Variants in SUGCT observed in about 807,000 individuals in gnomAD.
SUGCT encodes succinyl-CoA:glutarate CoA-transferase.
In SUGCT, 41 loss-of-function variants were observed where a neutral mutation model predicts 55.0. The observed-to-expected ratio is 0.74, with a 90% CI of 0.58 to 0.97. The LOEUF (loss-of-function observed/expected upper bound fraction) is 0.97, where lower values mean the gene tolerates loss of function less well. Among genes scored for constraint, SUGCT ranks in the 50% least tolerant of loss-of-function variants. The pLI is 0.00. For synonymous variants in SUGCT, 187 were observed against 200.4 expected, an observed-to-expected ratio of 0.93 and a Z score of 0.56; for missense variants, 568 against 547.8, an observed-to-expected ratio of 1.04 and a Z score of -0.37.
chr7:40,641,798 A>C (rs1800281861), intron 12 of SUGCT, among the ~76,000 whole-genome samples: 1 of 152,174 alleles, frequency 6.6e-6, no homozygotes, highest in African/African-American at 2.4e-5. Flanking sequence ...GAACTTATGA[A>C]AGGCTCAGTT....
chr7:40,231,847 C>G (rs540342606), intron 6 of SUGCT, among the ~76,000 whole-genome samples: 23 of 152,258 alleles, frequency 1.5e-4, no homozygotes, highest in Middle Eastern at 3.4e-3. Flanking sequence ...TGCCTGTAAT[C>G]CTATTACTTT....
intron 6 of SUGCT, among the ~76,000 whole-genome samples, chr7:40,202,266 C>G (rs1339997152): frequency 6.6e-6 from 1 of 152,178 alleles, no homozygotes; most frequent in African/African-American, 2.4e-5. Flanking sequence ...AGCCACCATG[C>G]CTGGCAGTTA....
intron 12 of SUGCT, among the ~76,000 whole-genome samples, chr7:40,744,015 G>C (rs1787603373): frequency 6.6e-6 from 1 of 152,012 alleles, no homozygotes; most frequent in African/African-American, 2.4e-5. Flanking sequence ...TCCGTCTCCT[G>C]GGTTCAAGCG....
rs147397147 is a variant in SUGCT at position 40,484,456 on chromosome 7, C to T, written c.987-11828C>T. On this transcript the variant is annotated intron_variant, in intron 11 of 13. Transcript: ENST00000335693. ...CAGTGCTCCCAAGTGGCCTTGGGGG[C>T]GGACAGTAGCTCAATTGCCAGTGGC... Among the ~76,000 whole-genome samples the T allele has an allele frequency of 1.2e-4, 18 of 152,196 alleles. 1 individual carries two copies. The East Asian group carries it at 2.3e-3, about 20-fold the overall frequency.
At chr7:40,518,241 A>T (rs1251547737) in intron 12 of SUGCT, among the ~76,000 whole-genome samples, 1 of 152,196 alleles carries the variant, frequency 6.6e-6, no homozygotes, top group African/African-American at 2.4e-5. Context: ...AGCTGATTGC[A>T]GTAGCCTTGA....
In SUGCT at chr7:40,195,516, C is replaced by T. The variant is rs1036194398; in HGVS notation, c.484+456C>T. 4.6e-5 allele frequency among the ~76,000 whole-genome samples: 7 copies of T among 151,592 alleles called. No individual in the cohort carries two copies. The East Asian group carries it at 5.9e-4, about 13-fold the overall frequency. ...GATTACAGGCGTGAGCCACCACGTC[C>T]GGCCTTGGCTGCTGAACATTATTAA... On this transcript the variant is annotated intron_variant, in intron 6 of 13. Transcript: ENST00000335693.
chr7:40,231,295 T>G (rs571335337), intron 6 of SUGCT, among the ~76,000 whole-genome samples: 25 of 152,298 alleles, frequency 1.6e-4, no homozygotes, highest in African/African-American at 5.3e-4. Flanking sequence ...TAAACATGCT[T>G]TTGCTAAGTT....
At chr7:41,022,758 C>T in the SUGCT span, among the ~76,000 whole-genome samples, 1 of 151,646 alleles carries the variant, frequency 6.6e-6, no homozygotes, top group South Asian at 2.1e-4. Flanking sequence ...TTAAGATAAG[C>T]ATGTAAAAAT....
intron 13 of SUGCT, among the ~76,000 whole-genome samples, chr7:40,846,297 G>A (rs1014692824): frequency 3.3e-5 from 5 of 151,944 alleles, no homozygotes; most frequent in African/African-American, 9.7e-5. Flanking sequence ...CAAAGAGCAC[G>A]TTGTCAGCAA....
In SUGCT at chr7:40,233,932, T is replaced by A. The variant is rs59279341; in HGVS notation, c.485-3703T>A. Among the ~76,000 whole-genome samples the A allele has an allele frequency of 6.2e-3, 945 of 152,328 alleles. 6 individuals are homozygous for A. Among genetic ancestry groups the A allele is most frequent in the African/African-American group, 0.021 (892 of 41,582 alleles). On this transcript the variant is annotated intron_variant, in intron 6 of 13. Transcript: ENST00000335693. ...CTATAATTTGAATCCAGATTTTTTT[T>A]AATCCTAAAACTCCCCTTTTTCCCT...
chr7:41,033,709 G>T, the SUGCT span, among the ~76,000 whole-genome samples: 2 of 152,232 alleles, frequency 1.3e-5, no homozygotes. Context: ...GATTCAGTTA[G>T]CAGAGCCCAG....
At chr7:40,766,915 G>A (rs1788820984) in intron 13 of SUGCT, among the ~76,000 whole-genome samples, 1 of 152,154 alleles carries the variant, frequency 6.6e-6, no homozygotes, top group Non-Finnish European at 1.5e-5. Flanking sequence ...TAACAATATT[G>A]GATGAAAGCG....
chr7:40,865,405 C>G (rs142292125), downstream of SUGCT, among the ~76,000 whole-genome samples: 70 of 152,280 alleles, frequency 4.6e-4, no homozygotes, highest in African/African-American at 1.6e-3. Context: ...GCTGCCACTT[C>G]TTGTCCCTTG....
intron 7 of SUGCT, among the ~76,000 whole-genome samples, chr7:40,244,680 T>C (rs1477610785): frequency 6.6e-6 from 1 of 152,198 alleles, no homozygotes; most frequent in Non-Finnish European, 1.5e-5. Context: ...CAAGGAGAAA[T>C]TGCTCTTACA....
the SUGCT span, among the ~76,000 whole-genome samples, chr7:41,034,468 A>T: frequency 6.6e-6 from 1 of 152,082 alleles, no homozygotes; most frequent in South Asian, 2.1e-4. Context: ...GAGCATTTGG[A>T]CCCATGAACA....
At chr7:40,888,026 T>C in the SUGCT span, among the ~76,000 whole-genome samples, 3 of 152,152 alleles carry the variant, frequency 2.0e-5, no homozygotes, top group African/African-American at 7.2e-5. Flanking sequence ...GTGGCAGAGC[T>C]GGGGTTGAAA....
chr7:40,644,634 C>G (rs984511166), intron 12 of SUGCT, among the ~76,000 whole-genome samples: 1 of 152,190 alleles, frequency 6.6e-6, no homozygotes, highest in Non-Finnish European at 1.5e-5. Context: ...ATGCTAAGCC[C>G]TTTCATCTCT....
At chr7:40,302,158 T>G (rs1352991044) in intron 8 of SUGCT, among the ~76,000 whole-genome samples, 1 of 152,220 alleles carries the variant, frequency 6.6e-6, no homozygotes, top group Non-Finnish European at 1.5e-5. Context: ...TGCATTAGAC[T>G]GTACACTCCC....
At chr7:40,207,794 CA>C (rs577268660) in intron 6 of SUGCT, among the ~76,000 whole-genome samples, 97 of 140,406 alleles carry the variant, frequency 6.9e-4, no homozygotes, top group Non-Finnish European at 6.1e-4. Flanking sequence ...GACTCCATCT[CA>C]AAAAAAAAAA....
Sources: allele counts gnomAD v4.1 joint callset (sites outside exome capture counted in the v4.1 genomes callset), GRCh38; gene constraint gnomAD v4.1.1; transcripts MANE v1.5; gene names NCBI Gene and HGNC (gene_info 2026-07-23, HGNC 2026-07-21).